GTSE1: variants seen among roughly 807,000 people sequenced by gnomAD.
GTSE1 encodes G2 and S-phase expressed 1.
In GTSE1, 52 loss-of-function variants were observed where a neutral mutation model predicts 60.5. The observed-to-expected ratio is 0.86, with a 90% CI of 0.69 to 1.08. GTSE1 has a LOEUF of 1.08. Ranked by LOEUF, GTSE1 falls within the 50% of genes least tolerant of loss-of-function variation. The pLI is 0.00. For synonymous variants in GTSE1, 368 were observed against 386.5 expected, an observed-to-expected ratio of 0.95 and a Z score of 0.56; for missense variants, 937 against 961.8, an observed-to-expected ratio of 0.97 and a Z score of 0.34.
intron 8 of GTSE1, among the ~76,000 whole-genome samples, chr22:46,325,067 G>A (rs1423469992): frequency 6.6e-6 from 1 of 152,146 alleles, no homozygotes; most frequent in Non-Finnish European, 1.5e-5. Context: ...TCACAATTCT[G>A]GAGGCTAGAA....
At chr22:46,308,101 C>T (rs2077725361) in intron 2 of GTSE1, 49 bp from the exon 3 acceptor site, 1 of 1,226,880 alleles carries the variant, frequency 8.2e-7, no homozygotes, top group Admixed American at 1.7e-5. Flanking sequence ...TAATATTTTT[C>T]TCTTTATCAG....
chr22:46,330,111 C>G lies in GTSE1; in HGVS notation c.2201C>G (p.Ser734Cys), dbSNP rs1461519078. 1 of 1,603,722 alleles carries G rather than the reference C, an allele frequency of 6.2e-7. No homozygotes were observed. Among genetic ancestry groups the G allele is most frequent in the Non-Finnish European group, 8.5e-7 (1 of 1,170,426 alleles). The change falls in exon 12 of 12, where the codon TCC becomes TGC. Residue 734 changes from serine to cysteine, a missense_variant. Transcript: ENST00000454366. This position sits in a 1 kb window ranked among gnomAD's most constrained non-coding sequence, Gnocchi z 6.0. ...GAGGCTGACAAGGAGAACGTGGATT[C>G]CCCACTCCTCAAGTTCTAAGCCGAA... is the stretch of plus-strand genomic sequence containing the variant. ...SPEADKENVD[S>C]PLLKF
rs983907541 is a variant in GTSE1 at position 46,314,285 on chromosome 22, A to G, written c.1051+272A>G. Among the ~76,000 whole-genome samples the G allele has an allele frequency of 2.0e-5, 3 of 152,222 alleles. No individual in the cohort carries two copies. Among genetic ancestry groups the G allele is most frequent in the Admixed American group, 2.0e-4 (3 of 15,286 alleles). On this transcript the variant is annotated intron_variant, in intron 6 of 11. Coordinates refer to ENST00000454366, the MANE Select transcript of GTSE1 (RefSeq NM_016426.7). The surrounding 1 kb of genome is among the most constrained non-coding windows in gnomAD (Gnocchi z 7.1). ...TGTATGATACCCCGTGCCTGAGAAC[A>G]TGGACACTGGAATCACCCTCATGTC...
intron 4 of GTSE1, 21 bp downstream of exon 4, chr22:46,308,964 C>T (rs1426671008): frequency 1.9e-6 from 3 of 1,588,020 alleles, no homozygotes; most frequent in Non-Finnish European, 2.6e-6. Context: ...CAGCAGAGCG[C>T]CTGCCTGGGG....
intron 2 of GTSE1, among the ~76,000 whole-genome samples, chr22:46,306,284 C>G (rs1024201852): frequency 1.3e-5 from 2 of 151,712 alleles, no homozygotes; most frequent in African/African-American, 4.8e-5. Context: ...CAGGTTCACG[C>G]CATTCTCCTG....
chr22:46,306,749 A>G (rs202172448), intron 2 of GTSE1, among the ~76,000 whole-genome samples: 1 of 152,140 alleles, frequency 6.6e-6, no homozygotes, highest in Non-Finnish European at 1.5e-5. Context: ...CAGCCTCCCA[A>G]AGTGCTGGGA....
chr22:46,313,120 G>A lies in GTSE1; in HGVS notation c.928-770G>A, dbSNP rs185963585. Among the ~76,000 whole-genome samples the A allele has an allele frequency of 4.2e-3, 622 of 148,910 alleles. 4 individuals are homozygous for A. The highest frequency in any genetic ancestry group is 0.015 in the African/African-American group (585 of 40,242). On this transcript the variant is annotated intron_variant, in intron 5 of 11. Transcript: ENST00000454366. The surrounding 1 kb of genome is among the most constrained non-coding windows in gnomAD (Gnocchi z 4.4). ...CAAGGCTGCAGTGAGCTGTGATCATGCCACTGCATTCCATTCCAGCCTGGG... is the reference window on the plus strand; with the variant it reads ...CAAGGCTGCAGTGAGCTGTGATCATACCACTGCATTCCATTCCAGCCTGGG...
At position 46,323,226 on chromosome 22, in the gene GTSE1, G is replaced by A. The variant is rs369295945; in HGVS notation, c.1469G>A (p.Arg490Gln). 1.5e-5 allele frequency: 24 copies of A among 1,613,844 alleles called. 1 individual carries two copies. Among genetic ancestry groups the A allele is most frequent in the South Asian group, 9.9e-5 (9 of 91,080 alleles). Residue 490 changes from arginine (R) to glutamine (Q), a missense_variant, in exon 8 of 12, where the codon CGG becomes CAG. Physicochemically the swap from Arg to Gln is conservative, Grantham distance 43 (BLOSUM62 1). Transcript: ENST00000454366. ...SPDSSTPKLS[R>Q]AQRPQSCTSV... is the part of the protein sequence containing the mutation. ...GACAGCTCAACACCAAAGCTTTCGC[G>A]GGCACAGCGGCCGCAGTCGTGCACG...
rs2077758646 is a variant in GTSE1 at position 46,313,182 on chromosome 22, AAAAAGG to A, written c.928-702_928-697del. 6.6e-6 allele frequency among the ~76,000 whole-genome samples: 1 copy of A among 151,830 alleles called. No homozygotes were observed. The highest frequency in any genetic ancestry group is 2.4e-5 in the African/African-American group (1 of 41,390). The stretch of plus-strand genomic sequence containing the variant: ...GACCCTGTCTAAAAAAAAAAAAAAA[AAAAAGG>A]AAAAGAAAGAAAATTGCGGTTCCTC... On this transcript the variant is annotated intron_variant, in intron 5 of 11. Transcript: ENST00000454366. The surrounding 1 kb of genome is among the most constrained non-coding windows in gnomAD (Gnocchi z 4.4).
intron 4 of GTSE1, among the ~76,000 whole-genome samples, chr22:46,311,069 T>TG (rs1443337746): frequency 1.3e-5 from 2 of 151,946 alleles, no homozygotes; most frequent in African/African-American, 4.8e-5. Context: ...GTTGTTTTTT[T>TG]TTTTGTTTTG....
Position 46,326,550 on chromosome 22 carries a change from C to A in GTSE1, c.1620C>A (p.Gly540=), listed in dbSNP as rs1249382808. The change falls in exon 9 of 12, where the codon GGC becomes GGA. Residue 540 remains glycine (G), a synonymous_variant. Transcript: ENST00000454366. The part of the protein sequence containing the change: ...LPTPASRRCS[G]LPPMTPKTMP... ...CACCCGCCAGCCGGCGCTGCTCTGG[C>A]CTTCCACCGATGACCCCCAAAACGA... The A allele has an allele frequency of 6.2e-7, 1 of 1,614,128 alleles. No homozygotes were observed. Among genetic ancestry groups the A allele is most frequent in the Non-Finnish European group, 8.5e-7 (1 of 1,179,984 alleles).
chr22:46,301,778 A>G (rs570294923), intron 2 of GTSE1, among the ~76,000 whole-genome samples: 2 of 152,252 alleles, frequency 1.3e-5, no homozygotes, highest in Non-Finnish European at 2.9e-5. Flanking sequence ...TGGGAGCCAC[A>G]GCGCCCAGCC....
intron 6 of GTSE1, among the ~76,000 whole-genome samples, chr22:46,315,151 C>T (rs1230575798): frequency 6.7e-6 from 1 of 149,796 alleles, no homozygotes; most frequent in African/African-American, 2.5e-5. Flanking sequence ...CTCTGCCTCC[C>T]GGGTTCGAGT....
In GTSE1 at chr22:46,316,862, G is replaced by C. The variant is rs1009012606; in HGVS notation, c.1432+450G>C. 6.6e-6 allele frequency among the ~76,000 whole-genome samples: 1 copy of C among 151,728 alleles called. No homozygotes were observed. The highest frequency in any genetic ancestry group is 6.6e-5 in the Admixed American group (1 of 15,232). Reference sequence around the variant, plus strand: ...AGGACTCTAATCACATCTATTTCAGGCCTCTTGACGTTGTCTCACAGGACA... The same window carrying C: ...AGGACTCTAATCACATCTATTTCAGCCCTCTTGACGTTGTCTCACAGGACA... On this transcript the variant is annotated intron_variant, in intron 7 of 11. Coordinates refer to ENST00000454366, the MANE Select transcript of GTSE1 (RefSeq NM_016426.7). The surrounding 1 kb of genome is among the most constrained non-coding windows in gnomAD (Gnocchi z 5.0).
intron 2 of GTSE1, among the ~76,000 whole-genome samples, chr22:46,298,802 G>C (rs991160765): frequency 6.6e-6 from 1 of 151,952 alleles, no homozygotes; most frequent in Non-Finnish European, 1.5e-5. Context: ...CCCCACTTCC[G>C]TTGACCTGAC....
At chr22:46,299,190 G>T (rs1376202723) in intron 2 of GTSE1, among the ~76,000 whole-genome samples, 1 of 152,258 alleles carries the variant, frequency 6.6e-6, no homozygotes, top group African/African-American at 2.4e-5. Context: ...TCTGGCTGGT[G>T]TATCTTTTCT....
Position 46,321,017 on chromosome 22 carries a change from G to T in GTSE1, c.1433-2173G>T, listed in dbSNP as rs1326951367. ...CGGGAGAGAGGGAGCCAACACGGGAGGCGGCAAGGGAGAGGGAGGCGGCGA... is the reference window on the plus strand; with the variant it reads ...CGGGAGAGAGGGAGCCAACACGGGATGCGGCAAGGGAGAGGGAGGCGGCGA... On this transcript the variant is annotated intron_variant, in intron 7 of 11. Coordinates refer to ENST00000454366, the MANE Select transcript of GTSE1 (RefSeq NM_016426.7). The surrounding 1 kb of genome is among the most constrained non-coding windows in gnomAD (Gnocchi z 4.0). Among the ~76,000 whole-genome samples the T allele has an allele frequency of 6.6e-6, 1 of 152,014 alleles. No individual in the cohort carries two copies. The highest frequency in any genetic ancestry group is 1.5e-5 in the Non-Finnish European group (1 of 68,000).
intron 8 of GTSE1, among the ~76,000 whole-genome samples, chr22:46,325,670 C>T (rs1342422464): frequency 6.6e-6 from 1 of 152,192 alleles, no homozygotes; most frequent in Non-Finnish European, 1.5e-5. Flanking sequence ...TTTATAAGGG[C>T]ACAGATCCCA....
At position 46,297,141 on chromosome 22, in the gene GTSE1, C is replaced by G. The variant is rs2077661330; in HGVS notation, c.-22+210C>G. 6.6e-6 allele frequency among the ~76,000 whole-genome samples: 1 copy of G among 152,246 alleles called. No homozygotes were observed. Among genetic ancestry groups the G allele is most frequent in the African/African-American group, 2.4e-5 (1 of 41,466 alleles). On this transcript the variant is annotated intron_variant, in intron 1 of 11. Transcript: ENST00000454366. The surrounding 1 kb of genome is among the most constrained non-coding windows in gnomAD (Gnocchi z 4.9). ...GCAAACAGAGCCCCCAACACTCTGGCCCAGAAGCCGAGAATTCCGTTATCT... is the reference window on the plus strand; with the variant it reads ...GCAAACAGAGCCCCCAACACTCTGGGCCAGAAGCCGAGAATTCCGTTATCT...
Sources: gnomAD v4.1 joint callset for allele counts (sites outside exome capture counted in the v4.1 genomes callset) on GRCh38, gnomAD v4.1.1 for gene constraint, Gnocchi (gnomAD v3.1) non-coding constraint, MANE v1.5 for transcripts, NCBI Gene and HGNC (gene_info 2026-07-23, HGNC 2026-07-21) for gene names.